Variants in NCBP1 observed in about 807,000 individuals in gnomAD.
The protein encoded by NCBP1 is nuclear cap-binding protein subunit 1.
NCBP1 carries 16 observed loss-of-function variants against 111.7 expected under a neutral mutation model. The ratio of observed to expected loss-of-function variants is 0.14; its 90% confidence interval spans 0.10 to 0.22. The LOEUF (loss-of-function observed/expected upper bound fraction) is 0.22. NCBP1 is among the 10% of genes least tolerant of loss of function. The pLI, the probability that NCBP1 is intolerant of heterozygous loss-of-function variation, is 1.00. For missense variants in NCBP1, 607 were observed against 957.5 expected, an observed-to-expected ratio of 0.63 and a Z score of 4.83; for synonymous variants, 304 against 314.3, an observed-to-expected ratio of 0.97 and a Z score of 0.35.
At chr9:97,645,504 T>A in intron 5 of NCBP1, 107 bp from the exon 6 acceptor site, 1 of 1,197,480 alleles carries the variant, frequency 8.4e-7, no homozygotes. Context: ...GATGTCTTAT[T>A]TAAGTCCTAT....
chr9:97,664,843 A>C (rs1213245798), intron 19 of NCBP1, among the ~76,000 whole-genome samples: 4 of 152,228 alleles, frequency 2.6e-5, no homozygotes, highest in African/African-American at 9.6e-5. Flanking sequence ...ATCAAAGTCA[A>C]AGTAGAGTAA....
chr9:97,672,269 A>G lies in NCBP1; in HGVS notation c.*1070A>G, dbSNP rs1237679065. 1 of 149,940 alleles carries G rather than the reference A, an allele frequency of 6.7e-6. No homozygotes were observed. The highest frequency in any genetic ancestry group is 1.5e-5 in the Non-Finnish European group (1 of 66,602). 9.3% of individuals were successfully genotyped at this position (149,940 alleles called of 1,614,324 possible). The stretch of plus-strand genomic sequence containing the variant: ...AAAAATTACCAGTAATCCTACAACT[A>G]CTGGTAGTGTTGTTGTGCATTTGCA... On this transcript the variant is annotated 3_prime_UTR_variant, in exon 23 of 23. Transcript: ENST00000375147.
intron 16 of NCBP1, 44 bp downstream of exon 16, chr9:97,661,112 C>T (rs1225446854): frequency 1.9e-6 from 3 of 1,600,284 alleles, no homozygotes; most frequent in East Asian, 2.2e-5. Flanking sequence ...ATGTATAGGC[C>T]AACTTAAAGC....
chr9:97,665,641 G>A (rs2131365947), intron 19 of NCBP1, among the ~76,000 whole-genome samples: 1 of 152,272 alleles, frequency 6.6e-6, no homozygotes, highest in Admixed American at 6.5e-5. Context: ...GGAGTTTTAT[G>A]AACAGATTGT....
intron 3 of NCBP1, among the ~76,000 whole-genome samples, chr9:97,642,727 A>G (rs1827236416): frequency 6.6e-6 from 1 of 152,136 alleles, no homozygotes; most frequent in Non-Finnish European, 1.5e-5. Flanking sequence ...AACAACTAGA[A>G]TAGTGTTTCT....
intron 1 of NCBP1, 23 bp downstream of exon 1, chr9:97,633,938 C>T (rs757698134): frequency 3.3e-5 from 52 of 1,574,030 alleles, no homozygotes; most frequent in Non-Finnish European, 4.4e-5. Context: ...GGCCCGGCCA[C>T]GGAGGCCGCT....
At chr9:97,645,497 G>A in intron 5 of NCBP1, 114 bp from the exon 6 acceptor site, 4 of 1,110,544 alleles carry the variant, frequency 3.6e-6, no homozygotes, top group Non-Finnish European at 5.1e-6. Context: ...TAAACCAGAT[G>A]TCTTATTTAA....
chr9:97,667,241 T>G (rs893106428), intron 20 of NCBP1, among the ~76,000 whole-genome samples: 1 of 152,138 alleles, frequency 6.6e-6, no homozygotes, highest in Non-Finnish European at 1.5e-5. Flanking sequence ...ACTTAACACT[T>G]TCCCCGTACT....
intron 22 of NCBP1, 94 bp downstream of exon 22, chr9:97,669,800 T>C (rs756914244): frequency 5.9e-6 from 5 of 851,876 alleles, no homozygotes; most frequent in Non-Finnish European, 9.9e-6. Flanking sequence ...TAGGAGGTTA[T>C]ATAGTACCTG....
In NCBP1 at chr9:97,654,564, TA is replaced by T. The variant is rs113841701; in HGVS notation, c.1171-302del. 9.3e-3 allele frequency among the ~76,000 whole-genome samples: 1,307 copies of T among 140,296 alleles called. 8 individuals are homozygous for T. The highest frequency in any genetic ancestry group is 0.052 in the East Asian group (248 of 4,796). The allele number at this position is 140,296 out of a possible 152,430, so 92.0% of individuals were successfully genotyped here. ...TGCAGGGTTGCCACAAACCTTCAGT[TA>T]AAAAAAAAAAAAAGAAGCAATTTCT... is the stretch of plus-strand genomic sequence containing the variant. On this transcript the variant is annotated intron_variant, in intron 11 of 22. Transcript: ENST00000375147.
Position 97,656,042 on chromosome 9 carries a change from C to A in NCBP1, c.1330C>A (p.Pro444Thr). 6.2e-7 allele frequency: 1 copy of A among 1,614,020 alleles called. No homozygotes were observed. The change falls in exon 14 of 23, where the codon CCC (proline) becomes ACC (threonine). Residue 444 changes from proline to threonine, a missense_variant. Physicochemically the swap from Pro to Thr is conservative, Grantham distance 38. Around this residue, in one of 9 missense-constraint regions of NCBP1, gnomAD observed 282 missense variants for 376.5 expected, o/e 0.75. Transcript: ENST00000375147. ...SDCLSQDPES[P>T]KPKFVREVLE... Reference sequence around the variant, plus strand: ...TTGTCTTAGTCAAGATCCTGAAAGTCCCAAACCGAAGTTTGTAAGAGAAGT... The same window carrying A: ...TTGTCTTAGTCAAGATCCTGAAAGTACCAAACCGAAGTTTGTAAGAGAAGT...
At chr9:97,664,632 G>A (rs947782573) in intron 19 of NCBP1, among the ~76,000 whole-genome samples, 189 bp downstream of exon 19, 1 of 152,144 alleles carries the variant, frequency 6.6e-6, no homozygotes, top group African/African-American at 2.4e-5. Flanking sequence ...AGGTTGCAGC[G>A]TCTCTTAGCA....
chr9:97,655,788 T>C (rs2131350229), intron 13 of NCBP1, 24 bp downstream of exon 13: 1 of 1,588,086 alleles, frequency 6.3e-7, no homozygotes, highest in South Asian at 1.2e-5. Flanking sequence ...TGTTTTATCT[T>C]TTTCTGTAGT....
intron 1 of NCBP1, among the ~76,000 whole-genome samples, chr9:97,640,055 T>G (rs1453423658): frequency 6.6e-6 from 1 of 152,178 alleles, no homozygotes; most frequent in East Asian, 1.9e-4. Context: ...TTCCACCAAT[T>G]TTTTGATATA....
chr9:97,652,498 G>A (rs1331319671), intron 10 of NCBP1, among the ~76,000 whole-genome samples: 4 of 152,156 alleles, frequency 2.6e-5, no homozygotes, highest in Non-Finnish European at 5.9e-5. Flanking sequence ...ATGGTGGCAC[G>A]CACCTGTGGT....
intron 12 of NCBP1, among the ~76,000 whole-genome samples, chr9:97,655,453 T>A (rs1358362618): frequency 6.6e-6 from 1 of 152,162 alleles, no homozygotes; most frequent in African/African-American, 2.4e-5. Context: ...AATATGTACC[T>A]TGGAAGTTGT....
At chr9:97,651,220 T>G (rs1229260886) in intron 9 of NCBP1, 90 bp from the exon 10 acceptor site, 2 of 997,680 alleles carry the variant, frequency 2.0e-6, no homozygotes, top group African/African-American at 1.7e-5. Context: ...TTTTCTTTGC[T>G]TATATCTAAA....
At chr9:97,670,790 TA>T (rs1564032168) in intron 22 of NCBP1, among the ~76,000 whole-genome samples, 1 of 152,216 alleles carries the variant, frequency 6.6e-6, no homozygotes, top group African/African-American at 2.4e-5. Context: ...TAGTCCGTAA[TA>T]GTACTAGGAG....
At chr9:97,656,298 C>A (rs1827651846) in intron 14 of NCBP1, among the ~76,000 whole-genome samples, 1 of 152,196 alleles carries the variant, frequency 6.6e-6, no homozygotes, top group Admixed American at 6.5e-5. Flanking sequence ...AAAGATGTCA[C>A]AGGCCGGGCG....
Sources: allele counts gnomAD v4.1 joint callset (sites outside exome capture counted in the v4.1 genomes callset), GRCh38; gene constraint gnomAD v4.1.1; regional missense constraint gnomAD v4.1.1; transcripts MANE v1.5; gene names NCBI Gene and HGNC (gene_info 2026-07-23, HGNC 2026-07-21).